Variants in TBL1X observed in about 807,000 individuals in gnomAD.
The protein encoded by TBL1X is F-box-like/WD repeat-containing protein TBL1X.
Under a neutral mutation model 50.7 loss-of-function variants are expected in TBL1X, and 10 were observed. That is an observed-to-expected ratio of 0.20 (90% CI 0.12 to 0.33). TBL1X has a LOEUF of 0.33. Ranked by LOEUF, TBL1X falls within the 10% of genes least tolerant of loss-of-function variation. The pLI, the probability that TBL1X is intolerant of heterozygous loss-of-function variation, is 1.00. For missense variants in TBL1X, 340 were observed against 504.4 expected (o/e 0.67, Z 3.12); for synonymous variants, 190 against 214.7 (o/e 0.88, Z 1.01).
chrX:9,643,579 G>A (rs1161045069), intron 3 of TBL1X, among the ~76,000 whole-genome samples: 2 of 111,436 alleles, frequency 1.8e-5, no homozygotes, highest in Non-Finnish European at 3.8e-5. Flanking sequence ...GGCCAGGCAC[G>A]GTGGCTCACA....
In TBL1X at chrX:9,716,420, T is replaced by C. The variant is rs2083279061; in HGVS notation, c.*174T>C. 2.1e-6 allele frequency: 1 copy of C among 469,224 alleles called. No individual in the cohort carries two copies. Among genetic ancestry groups the C allele is most frequent in the Non-Finnish European group, 3.5e-6 (1 of 289,422 alleles). The allele number at this position is 469,224 out of a possible 1,213,427, so 38.7% of individuals were successfully genotyped here. On this transcript the variant is annotated 3_prime_UTR_variant, in exon 18 of 18. Coordinates refer to ENST00000645353, the MANE Select transcript of TBL1X (RefSeq NM_005647.4). The stretch of plus-strand genomic sequence containing the variant: ...TGTTTTCGTAATCTTCATCAAGAAG[T>C]TTTTAAAAGGCAAGCAAAAACAGAA...
rs368273903 is a variant in TBL1X at position 9,684,023 on chromosome X, G to A, written c.212-20G>A. On this transcript the variant is annotated intron_variant, in intron 5 of 17. Coordinates refer to ENST00000645353, the MANE Select transcript of TBL1X (RefSeq NM_005647.4). ...TCAATTCGGGTCTCACTCAACCTCA[G>A]CTTTCCCCTCTTGCCACAGGTTTTT... 3.3e-6 allele frequency: 4 copies of A among 1,209,763 alleles called. No homozygotes were observed. The African/African-American group carries it at 5.3e-5, about 16-fold the overall frequency.
intron 5 of TBL1X, among the ~76,000 whole-genome samples, chrX:9,680,556 G>A (rs926749686): frequency 8.1e-5 from 9 of 111,427 alleles, no homozygotes; most frequent in Non-Finnish European, 1.7e-4. Context: ...CCTGCCTGCT[G>A]CTGACATTTT....
chrX:9,607,140 TGCCAGGCCCTGGGCCCTGAA>T (rs1440750725), intron 2 of TBL1X, among the ~76,000 whole-genome samples: 1 of 112,188 alleles, frequency 8.9e-6, no homozygotes, highest in Non-Finnish European at 1.9e-5. Context: ...TACCTGTGTG[TGCCAGGCCCTGGGCCCTGAA>T]GTCAGGGCCA....
chrX:9,590,163 C>T (rs899112627), intron 2 of TBL1X, among the ~76,000 whole-genome samples: 13 of 111,504 alleles, frequency 1.2e-4, no homozygotes, highest in Non-Finnish European at 2.1e-4. Context: ...AGAGAAAGGG[C>T]GGAAGGAGAA....
intron 12 of TBL1X, among the ~76,000 whole-genome samples, chrX:9,698,966 G>A (rs2083151739): frequency 9.0e-6 from 1 of 111,224 alleles, no homozygotes; most frequent in Non-Finnish European, 1.9e-5. Flanking sequence ...GATTCTTCGT[G>A]GGTCGTTTTG....
chrX:9,506,033 T>C (rs945217459), intron 2 of TBL1X, among the ~76,000 whole-genome samples: 7 of 111,916 alleles, frequency 6.3e-5, no homozygotes, highest in African/African-American at 2.3e-4. Context: ...TATTCTAAAA[T>C]CAACCACACA....
chrX:9,652,653 T>C (rs1272222223), intron 3 of TBL1X, among the ~76,000 whole-genome samples: 1 of 111,046 alleles, frequency 9.0e-6, no homozygotes, highest in Non-Finnish European at 1.9e-5. Context: ...GTTCAGAAGC[T>C]GAACACCAGC....
chrX:9,551,254 G>A lies in TBL1X; in HGVS notation c.-131+49405G>A, dbSNP rs1182459938. On this transcript the variant is annotated intron_variant, in intron 2 of 17. Transcript: ENST00000645353. The stretch of plus-strand genomic sequence containing the variant: ...CTGCAGTACCTTGTCAGCATGGAGA[G>A]GGGGAGGTCAGTTATGAGGAGGCCC... 4.5e-5 allele frequency among the ~76,000 whole-genome samples: 5 copies of A among 109,987 alleles called. No individual in the cohort carries two copies. The South Asian group carries it at 2.0e-3, about 44-fold the overall frequency.
chrX:9,687,181 G>A lies in TBL1X; in HGVS notation c.358-836G>A, dbSNP rs147274623. Among the ~76,000 whole-genome samples, 885 of 111,913 alleles carry A rather than the reference G, an allele frequency of 7.9e-3. 7 individuals are homozygous for A. The highest frequency in any genetic ancestry group is 0.012 in the Non-Finnish European group (664 of 53,150). On this transcript the variant is annotated intron_variant, in intron 6 of 17. Coordinates refer to ENST00000645353, the MANE Select transcript of TBL1X (RefSeq NM_005647.4). ...CCTCCTGCTGTATTTTTAAACGTGT[G>A]TGGAAAGTTTTCCATGGTAAACGGA...
chrX:9,668,035 T>TA (rs2082940239), intron 5 of TBL1X, among the ~76,000 whole-genome samples: 1 of 112,456 alleles, frequency 8.9e-6, no homozygotes, highest in South Asian at 3.6e-4. Flanking sequence ...TTGTCAAATA[T>TA]AAAATGGTGT....
chrX:9,706,704 C>A (rs758222853), intron 13 of TBL1X, among the ~76,000 whole-genome samples: 1 of 111,729 alleles, frequency 9.0e-6, no homozygotes, highest in Non-Finnish European at 1.9e-5. Flanking sequence ...GGTCTCTAAC[C>A]TTCTGCAATC....
At chrX:9,492,889 GTGTGT>G (rs762001240) in intron 1 of TBL1X, among the ~76,000 whole-genome samples, 2,221 of 28,358 alleles carry the variant, frequency 0.078, 134 homozygotes, top group Admixed American at 0.2. Flanking sequence ...GTGTGTGTGT[GTGTGT>G]GTGTAGGGGA....
chrX:9,659,032 C>G (rs1478657953), intron 5 of TBL1X, among the ~76,000 whole-genome samples: 2 of 96,032 alleles, frequency 2.1e-5, no homozygotes, highest in Non-Finnish European at 4.2e-5. Flanking sequence ...ACTGTGTTGC[C>G]CAATCTGGTC....
chrX:9,465,817 C>T (rs2081769439), intron 1 of TBL1X, among the ~76,000 whole-genome samples: 1 of 112,872 alleles, frequency 8.9e-6, no homozygotes. Context: ...CAGGGGCTTG[C>T]TGGGCAAACC....
At chrX:9,581,950 T>C (rs956472288) in intron 2 of TBL1X, among the ~76,000 whole-genome samples, 1 of 112,103 alleles carries the variant, frequency 8.9e-6, no homozygotes, top group Non-Finnish European at 1.9e-5. Context: ...GGCTGCCCCT[T>C]TTATTCCATT....
intron 2 of TBL1X, among the ~76,000 whole-genome samples, chrX:9,631,251 C>T (rs6640465): frequency 4.0e-4 from 45 of 111,654 alleles, no homozygotes; most frequent in African/African-American, 1.4e-3. Flanking sequence ...AGTATTCAGC[C>T]TGGTACCCAA....
chrX:9,645,590 G>C (rs1176714540), intron 3 of TBL1X, among the ~76,000 whole-genome samples: 3 of 111,751 alleles, frequency 2.7e-5, no homozygotes, highest in Non-Finnish European at 5.6e-5. Context: ...TAGTAACGAA[G>C]AAATAATTCT....
At chrX:9,658,473 T>G (rs1449202752) in intron 5 of TBL1X, among the ~76,000 whole-genome samples, 1 of 110,709 alleles carries the variant, frequency 9.0e-6, no homozygotes, top group Non-Finnish European at 1.9e-5. Flanking sequence ...AGTCGTGAGT[T>G]GTGTGCCCCC....
Sources: gnomAD v4.1 joint callset for allele counts (sites outside exome capture counted in the v4.1 genomes callset) on GRCh38, gnomAD v4.1.1 for gene constraint, MANE v1.5 for transcripts, NCBI Gene and HGNC (gene_info 2026-07-23, HGNC 2026-07-21) for gene names.